Variants in PLA2G4E observed in about 807,000 individuals in gnomAD.
The protein encoded by PLA2G4E is phospholipase A2 group IVE, also known as cytosolic phospholipase A2 epsilon.
Under a neutral mutation model 109.1 loss-of-function variants are expected in PLA2G4E, and 84 were observed. The observed-to-expected ratio is 0.77, with a 90% CI of 0.65 to 0.92. PLA2G4E has a LOEUF of 0.92. Ranked by LOEUF, PLA2G4E falls within the 40% of genes least tolerant of loss-of-function variation. The pLI, the probability that PLA2G4E is intolerant of heterozygous loss-of-function variation, is 0.00. For synonymous variants in PLA2G4E, 469 were observed against 436.1 expected (o/e 1.08, Z -0.94); for missense variants, 1,057 against 1,076.6 (o/e 0.98, Z 0.25).
In PLA2G4E at chr15:42,013,825, C is replaced by G; in HGVS notation, c.184-68G>C. ...TCCAAGGCCATTGCCCCGGGGGAGA[C>G]TTTCCCGCTATGCCTCCTCAGGCCG... is the stretch of plus-strand genomic sequence containing the variant. On this transcript the variant is annotated intron_variant, in intron 1 of 19. Coordinates refer to ENST00000399518, the Ensembl canonical transcript of PLA2G4E. 2.3e-6 allele frequency: 3 copies of G among 1,331,642 alleles called. No individual in the cohort carries two copies. The South Asian group carries it at 3.8e-5, about 17-fold the overall frequency. The allele number at this position is 1,331,642 out of a possible 1,614,324, so 82.5% of individuals were successfully genotyped here. A position where few individuals can be genotyped will look rare whatever the true frequency, so the allele number is the denominator to read the frequency against.
chr15:42,025,464 C>T (rs2068685830), intron 1 of PLA2G4E, among the ~76,000 whole-genome samples: 1 of 152,130 alleles, frequency 6.6e-6, no homozygotes. Context: ...TCCCATACAT[C>T]TTCCTGTAGC....
intron 2 of PLA2G4E, among the ~76,000 whole-genome samples, chr15:42,012,556 C>A (rs1344883039): frequency 6.6e-6 from 1 of 152,192 alleles, no homozygotes; most frequent in African/African-American, 2.4e-5. Context: ...TCAGGACAGC[C>A]TCTCCCCAAG....
At chr15:42,031,192 C>T (rs1487494114) in intron 1 of PLA2G4E, among the ~76,000 whole-genome samples, 1 of 152,150 alleles carries the variant, frequency 6.6e-6, no homozygotes. Context: ...TGGTCTTGAA[C>T]TTCTGGGCTC....
At chr15:42,016,241 C>CTTTTTTTTTTTTT (rs1168452228) in intron 1 of PLA2G4E, among the ~76,000 whole-genome samples, 5 of 104,688 alleles carry the variant, frequency 4.8e-5, no homozygotes, top group African/African-American at 1.1e-4. Context: ...TTTATCTTTA[C>CTTTTTTTTTTTTT]TTTTTTTTTT....
At chr15:42,048,853 A>T (rs1288942503) in intron 1 of PLA2G4E, among the ~76,000 whole-genome samples, 1 of 152,254 alleles carries the variant, frequency 6.6e-6, no homozygotes, top group Non-Finnish European at 1.5e-5. Flanking sequence ...CACTTGAATG[A>T]GGCCAATAAT....
chr15:42,021,932 AGGTACCTGTG>A (rs2068652651), intron 1 of PLA2G4E, among the ~76,000 whole-genome samples: 1 of 152,174 alleles, frequency 6.6e-6, no homozygotes, highest in African/African-American at 2.4e-5. Context: ...ACCTGGTTGG[AGGTACCTGTG>A]GGAACTCTTC....
intron 1 of PLA2G4E, among the ~76,000 whole-genome samples, chr15:42,030,503 C>T (rs1889093270): frequency 6.6e-6 from 1 of 152,166 alleles, no homozygotes; most frequent in Non-Finnish European, 1.5e-5. Context: ...CACTCTGGGC[C>T]CCGAGGGGAT....
chr15:41,989,943 C>A (rs2068214904), intron 14 of PLA2G4E, among the ~76,000 whole-genome samples, 178 bp downstream of exon 14: 1 of 152,188 alleles, frequency 6.6e-6, no homozygotes, highest in African/African-American at 2.4e-5. Context: ...GCCGGCCTCA[C>A]CCATGCAGCA....
Position 41,997,361 on chromosome 15 carries a change from C to T in PLA2G4E, c.975-102G>A, listed in dbSNP as rs1009834096. ...GACCTAGGCTCAAAGCCTACTTCTG[C>T]CAGCGACCACTTCTGTGACCTTGGG... On this transcript the variant is annotated intron_variant, in intron 10 of 19. Coordinates refer to ENST00000399518, the Ensembl canonical transcript of PLA2G4E. The T allele has an allele frequency of 5.4e-6, 7 of 1,305,562 alleles. No individual in the cohort carries two copies. In the African/African-American group the frequency reaches 1.1e-4, roughly 20 times the overall value. 80.9% of individuals were successfully genotyped at this position (1,305,562 alleles called of 1,614,324 possible).
intron 4 of PLA2G4E, 135 bp from the exon 5 acceptor site, chr15:42,005,113 T>C (rs1162037036): frequency 7.6e-6 from 8 of 1,050,920 alleles, no homozygotes; most frequent in Non-Finnish European, 1.0e-5. Flanking sequence ...CCATGGAGTG[T>C]GCTTGTGGTC....
chr15:42,005,039 AC>A, intron 4 of PLA2G4E, 61 bp from the exon 5 acceptor site: 1 of 1,584,292 alleles, frequency 6.3e-7, no homozygotes, highest in Admixed American at 1.8e-5. Flanking sequence ...GCTGACCAGA[AC>A]CCTTTGCCAC....
At chr15:42,007,929 A>G (rs1209803701) in intron 2 of PLA2G4E, 64 bp from the exon 3 acceptor site, 2 of 1,520,600 alleles carry the variant, frequency 1.3e-6, no homozygotes, top group Non-Finnish European at 1.8e-6. Flanking sequence ...TCAAAAGGGA[A>G]CTTCAGGCAA....
At chr15:42,006,053 G>A in exon 4 of PLA2G4E, 8 of 1,613,950 alleles carry the variant, frequency 5.0e-6, no homozygotes, top group Non-Finnish European at 6.8e-6. Flanking sequence ...TGAGGTCATA[G>A]AGAACTGTCA....
intron 15 of PLA2G4E, among the ~76,000 whole-genome samples, chr15:41,989,067 C>T (rs1406291789): frequency 6.6e-6 from 1 of 152,130 alleles, no homozygotes; most frequent in African/African-American, 2.4e-5. Flanking sequence ...GGTGACCCTG[C>T]CCCTTACCCT....
chr15:41,990,877 G>A (rs2068236503), intron 13 of PLA2G4E, among the ~76,000 whole-genome samples: 1 of 151,212 alleles, frequency 6.6e-6, no homozygotes, highest in South Asian at 2.1e-4. Flanking sequence ...AAGTGAATCA[G>A]CCACTGCAAA....
intron 13 of PLA2G4E, among the ~76,000 whole-genome samples, chr15:41,990,753 T>C (rs1189384470): frequency 6.8e-6 from 1 of 147,634 alleles, no homozygotes; most frequent in Non-Finnish European, 1.5e-5. Flanking sequence ...TCTTTTTTTT[T>C]TTTTTTTTTT....
chr15:42,035,449 A>G (rs1566850431), intron 1 of PLA2G4E, among the ~76,000 whole-genome samples: 1 of 152,050 alleles, frequency 6.6e-6, no homozygotes, highest in Admixed American at 6.6e-5. Context: ...GAGAGTGGGG[A>G]CTCACCCTCG....
At chr15:41,993,571 G>A (rs1173429153) in intron 12 of PLA2G4E, among the ~76,000 whole-genome samples, 1 of 152,098 alleles carries the variant, frequency 6.6e-6, no homozygotes, top group Non-Finnish European at 1.5e-5. Flanking sequence ...GGTTGTCGGG[G>A]GGAGCAAAAC....
chr15:42,033,351 C>A (rs1889148897), intron 1 of PLA2G4E, among the ~76,000 whole-genome samples: 1 of 152,102 alleles, frequency 6.6e-6, no homozygotes. Flanking sequence ...AGGCAAAATA[C>A]CCTGGGGATT....
Sources: gnomAD v4.1 joint callset for allele counts (sites outside exome capture counted in the v4.1 genomes callset) on GRCh38, gnomAD v4.1.1 for gene constraint, MANE v1.5 for transcripts, NCBI Gene and HGNC (gene_info 2026-07-23, HGNC 2026-07-21) for gene names.